EXOC6: variants seen among roughly 807,000 people sequenced by gnomAD.
The protein encoded by EXOC6 is exocyst complex component 6, also known as SEC15-like 1.
Under a neutral mutation model 112.5 loss-of-function variants are expected in EXOC6, and 60 were observed. That is an observed-to-expected ratio of 0.53 (90% CI 0.43 to 0.66). The LOEUF (loss-of-function observed/expected upper bound fraction) is 0.66. Ranked by LOEUF, EXOC6 falls within the 30% of genes least tolerant of loss-of-function variation. The pLI, the probability that EXOC6 is intolerant of heterozygous loss-of-function variation, is 0.00. For synonymous variants in EXOC6, 295 were observed against 308.0 expected (o/e 0.96, Z 0.44); for missense variants, 855 against 957.1 (o/e 0.89, Z 1.41).
chr10:92,926,920 A>C (rs944846623), intron 8 of EXOC6, among the ~76,000 whole-genome samples: 1 of 152,192 alleles, frequency 6.6e-6, no homozygotes, highest in Non-Finnish European at 1.5e-5. Flanking sequence ...CTTTAAATGC[A>C]TTATATCCTC....
intron 6 of EXOC6, among the ~76,000 whole-genome samples, chr10:92,915,269 C>T (rs545146065): frequency 1.6e-4 from 24 of 152,010 alleles, no homozygotes; most frequent in South Asian, 6.2e-4. Flanking sequence ...AAGCTGGGTG[C>T]GGTGGGTCAC....
chr10:93,008,640 T>C lies in EXOC6; in HGVS notation c.2096-5554T>C, dbSNP rs531721327. ...TCTTTAAAAATTTAAAAGATTAAAA[T>C]TGACCCCATGAATTATTGGGACCAT... On this transcript the variant is annotated intron_variant, in intron 19 of 21. Transcript: ENST00000260762. Among the ~76,000 whole-genome samples the C allele has an allele frequency of 1.4e-3, 216 of 152,318 alleles. 1 individual carries two copies. The highest frequency in any genetic ancestry group is 1.7e-3 in the Non-Finnish European group (114 of 68,012).
upstream of EXOC6, among the ~76,000 whole-genome samples, chr10:92,833,435 A>G (rs1846555239): frequency 6.6e-6 from 1 of 152,136 alleles, no homozygotes; most frequent in African/African-American, 2.4e-5. Flanking sequence ...CAGGCTCAGA[A>G]CTCACATGCT....
chr10:92,858,647 T>C lies in EXOC6; in HGVS notation c.101+10013T>C, dbSNP rs562780259. On this transcript the variant is annotated intron_variant, in intron 1 of 21. Transcript: ENST00000260762. ...TCCATCTCTATTTGGTAAGACATTG[T>C]CATCATACTTTCCTTTGCTTCTTCT... Among the ~76,000 whole-genome samples, 14 of 152,366 alleles carry C rather than the reference T, an allele frequency of 9.2e-5. No homozygotes were observed. In the South Asian group the frequency reaches 2.7e-3, roughly 29 times the overall value.
intron 20 of EXOC6, among the ~76,000 whole-genome samples, chr10:93,046,492 T>C (rs1846004972): frequency 6.6e-6 from 1 of 152,018 alleles, no homozygotes; most frequent in South Asian, 2.1e-4. Context: ...GATTTAGACT[T>C]AAGTGTTATG....
At position 92,935,814 on chromosome 10, in the gene EXOC6, T is replaced by G; in HGVS notation, c.1141T>G (p.Ser381Ala). 1 of 1,603,764 alleles carries G rather than the reference T, an allele frequency of 6.2e-7. No homozygotes were observed. The highest frequency in any genetic ancestry group is 8.5e-7 in the Non-Finnish European group (1 of 1,172,874). Residue 381 changes from serine (S) to alanine (A), a missense_variant and splice_region_variant, in exon 12 of 22, where the codon TCC becomes GCC. This residue lies in a region of EXOC6 where 450 missense variants were observed against 563.5 expected (regional missense o/e 0.80). Coordinates refer to ENST00000260762, the MANE Select transcript of EXOC6 (RefSeq NM_019053.6). ...TTTGTTTGTGTGTTTCCACCCTCAG[T>G]CCTATTGCACTGATCCTGATCTTGT... ...KIIAVLRAHSSYCTDPDLVLE... is the reference protein window; with the variant it reads ...KIIAVLRAHSAYCTDPDLVLE...
At chr10:92,924,535 C>T (rs1016395627) in intron 8 of EXOC6, among the ~76,000 whole-genome samples, 1 of 152,098 alleles carries the variant, frequency 6.6e-6, no homozygotes, top group Non-Finnish European at 1.5e-5. Context: ...AAAGTAAACC[C>T]TGGCTATTCA....
intron 17 of EXOC6, among the ~76,000 whole-genome samples, chr10:92,973,501 T>G (rs547109632): frequency 6.6e-6 from 1 of 152,370 alleles, no homozygotes; most frequent in African/African-American, 2.4e-5. Flanking sequence ...GTTACTTTTA[T>G]GGATGAGAAA....
At chr10:93,053,718 A>G (rs187065428) in intron 20 of EXOC6, among the ~76,000 whole-genome samples, 23 of 152,382 alleles carry the variant, frequency 1.5e-4, no homozygotes, top group African/African-American at 5.5e-4. Context: ...ATGGTCTGGC[A>G]TCATCATTTA....
At chr10:93,026,130 T>C (rs1005908638) in intron 20 of EXOC6, among the ~76,000 whole-genome samples, 6 of 152,374 alleles carry the variant, frequency 3.9e-5, no homozygotes, top group African/African-American at 1.2e-4. Flanking sequence ...ATAATTTATG[T>C]ATATGTTCTG....
chr10:92,982,378 C>A (rs1842857303), intron 18 of EXOC6, among the ~76,000 whole-genome samples: 1 of 148,138 alleles, frequency 6.8e-6, no homozygotes, highest in African/African-American at 2.5e-5. Flanking sequence ...ACACTTCTTT[C>A]CAACTGTGCC....
At chr10:92,903,150 A>G (rs970013702) in intron 5 of EXOC6, among the ~76,000 whole-genome samples, 1 of 152,038 alleles carries the variant, frequency 6.6e-6, no homozygotes, top group African/African-American at 2.4e-5. Flanking sequence ...TGAAAAATAG[A>G]CTTTAAAAAT....
intron 20 of EXOC6, among the ~76,000 whole-genome samples, chr10:93,017,606 A>G (rs369564883): frequency 6.6e-6 from 1 of 152,044 alleles, no homozygotes; most frequent in Non-Finnish European, 1.5e-5. Context: ...CAAACACTAC[A>G]TATTGGGTAC....
At chr10:93,016,595 C>T (rs747216735) in intron 20 of EXOC6, among the ~76,000 whole-genome samples, 12 of 151,998 alleles carry the variant, frequency 7.9e-5, no homozygotes, top group Non-Finnish European at 8.8e-5. Flanking sequence ...AGGGCTTATT[C>T]GATATAAGAA....
At chr10:92,897,184 T>C (rs7094393) in intron 4 of EXOC6, among the ~76,000 whole-genome samples, 74,044 of 151,980 alleles carry the variant, frequency 0.49, 19,448 homozygotes, top group African/African-American at 0.68. Context: ...TACTGGGCTA[T>C]GTAAAATAGA....
At chr10:93,001,971 T>A (rs1843777915) in intron 19 of EXOC6, among the ~76,000 whole-genome samples, 1 of 152,216 alleles carries the variant, frequency 6.6e-6, no homozygotes, top group Non-Finnish European at 1.5e-5. Flanking sequence ...AATATAGAGA[T>A]ACTCAGGTGT....
chr10:92,934,511 CTG>C, intron 11 of EXOC6, 81 bp downstream of exon 11: 2 of 1,191,866 alleles, frequency 1.7e-6, no homozygotes, highest in East Asian at 2.7e-5. Flanking sequence ...CAGAGGAAAA[CTG>C]TACCTCCATC....
chr10:92,877,194 A>G (rs1366862009), intron 1 of EXOC6, among the ~76,000 whole-genome samples: 1 of 152,236 alleles, frequency 6.6e-6, no homozygotes, highest in Non-Finnish European at 1.5e-5. Context: ...CATAATAATC[A>G]GACAGATACT....
At chr10:93,055,760 A>G (rs188101346) in intron 20 of EXOC6, among the ~76,000 whole-genome samples, 20 of 152,310 alleles carry the variant, frequency 1.3e-4, no homozygotes, top group Non-Finnish European at 7.4e-5. Flanking sequence ...GTGGCTTTCC[A>G]TAGTTAATAT....
Sources: allele counts gnomAD v4.1 joint callset (sites outside exome capture counted in the v4.1 genomes callset), GRCh38; gene constraint gnomAD v4.1.1; regional missense constraint gnomAD v4.1.1; transcripts MANE v1.5; gene names NCBI Gene and HGNC (gene_info 2026-07-23, HGNC 2026-07-21).